EPHA6: variants seen among roughly 807,000 people sequenced by gnomAD.
The protein encoded by EPHA6 is ephrin type-A receptor 6.
In EPHA6, 50 loss-of-function variants were observed where a neutral mutation model predicts 112.0. That is an observed-to-expected ratio of 0.45 (90% CI 0.36 to 0.56). The LOEUF (loss-of-function observed/expected upper bound fraction) is 0.56. Among genes scored for constraint, EPHA6 ranks in the 20% least tolerant of loss-of-function variants. The pLI, the probability that EPHA6 is intolerant of heterozygous loss-of-function variation, is 0.00. For synonymous variants in EPHA6, 529 were observed against 490.7 expected (o/e 1.08, Z -1.03); for missense variants, 1,280 against 1,417.4 (o/e 0.90, Z 1.56).
At position 97,749,655 on chromosome 3, in the gene EPHA6, T is replaced by C. The variant is rs2035846656; in HGVS notation, c.*954T>C. 6.6e-6 allele frequency among the ~76,000 whole-genome samples: 1 copy of C among 152,154 alleles called. No individual in the cohort carries two copies. The highest frequency in any genetic ancestry group is 1.5e-5 in the Non-Finnish European group (1 of 68,014). ...TTGGTCATTCTCAGTAGAATTGCTT[T>C]GAATAAAATACGTTAGATTATACCC... On this transcript the variant is annotated 3_prime_UTR_variant, in exon 18 of 18. Coordinates refer to ENST00000389672, the MANE Select transcript of EPHA6 (RefSeq NM_001080448.3).
At chr3:97,300,381 A>G (rs2081044355) in intron 5 of EPHA6, among the ~76,000 whole-genome samples, 1 of 152,214 alleles carries the variant, frequency 6.6e-6, no homozygotes, top group Non-Finnish European at 1.5e-5. Flanking sequence ...AAAGGACAGT[A>G]TCTTTGTCAG....
At chr3:97,174,163 A>G (rs1415486762) in intron 3 of EPHA6, among the ~76,000 whole-genome samples, 1 of 151,132 alleles carries the variant, frequency 6.6e-6, no homozygotes, top group South Asian at 2.1e-4. Flanking sequence ...GTCTTTATGT[A>G]CCTGGCTTAT....
intron 14 of EPHA6, among the ~76,000 whole-genome samples, chr3:97,690,455 GT>G (rs1229761380): frequency 6.7e-6 from 1 of 149,464 alleles, no homozygotes; most frequent in Non-Finnish European, 1.5e-5. Context: ...TTGGAACAAT[GT>G]CTACTTTTCG....
Position 96,826,445 on chromosome 3 carries a change from G to C in EPHA6, c.385+11437G>C, listed in dbSNP as rs1158461343. Among the ~76,000 whole-genome samples, 8 of 152,032 alleles carry C rather than the reference G, an allele frequency of 5.3e-5. No homozygotes were observed. In the East Asian group the frequency reaches 1.6e-3, roughly 29 times the overall value. ...GCTTAAATGGTACCTGTAAAACTAA[G>C]GGAAAACCACCAGTTTCCTCTTTAG... On this transcript the variant is annotated intron_variant, in intron 1 of 17. Coordinates refer to ENST00000389672, the MANE Select transcript of EPHA6 (RefSeq NM_001080448.3).
chr3:97,114,181 C>T (rs971291397), intron 3 of EPHA6, among the ~76,000 whole-genome samples: 1 of 152,008 alleles, frequency 6.6e-6, no homozygotes, highest in Non-Finnish European at 1.5e-5. Context: ...TCCAATCATG[C>T]CGTTTTAAAT....
intron 3 of EPHA6, among the ~76,000 whole-genome samples, chr3:97,096,319 C>T (rs1009114258): frequency 6.6e-6 from 1 of 151,112 alleles, no homozygotes; most frequent in Non-Finnish European, 1.5e-5. Flanking sequence ...ATATCTATAT[C>T]TATATAGTTG....
chr3:97,341,069 C>T (rs1449926619), intron 5 of EPHA6, among the ~76,000 whole-genome samples: 1 of 152,166 alleles, frequency 6.6e-6, no homozygotes. Context: ...AATGGCAACA[C>T]CTGTTTCCTG....
intron 10 of EPHA6, among the ~76,000 whole-genome samples, chr3:97,496,814 C>A (rs6782802): frequency 0.052 from 7,403 of 141,284 alleles, 545 homozygotes; most frequent in African/African-American, 0.19. Flanking sequence ...TGCACACACA[C>A]AAAAAAAAAA....
intron 5 of EPHA6, among the ~76,000 whole-genome samples, chr3:97,294,909 C>A (rs183523294): frequency 6.6e-6 from 1 of 152,250 alleles, no homozygotes; most frequent in Non-Finnish European, 1.5e-5. Flanking sequence ...TTTTTCCATT[C>A]TCACATAGCC....
intron 15 of EPHA6, among the ~76,000 whole-genome samples, chr3:97,735,100 A>T (rs897819412): frequency 2.6e-5 from 4 of 152,050 alleles, no homozygotes; most frequent in Non-Finnish European, 4.4e-5. Flanking sequence ...GGCTATATAC[A>T]TTTAAATTTA....
intron 5 of EPHA6, among the ~76,000 whole-genome samples, chr3:97,267,539 G>C (rs1226722920): frequency 6.6e-6 from 1 of 151,956 alleles, no homozygotes; most frequent in Non-Finnish European, 1.5e-5. Flanking sequence ...TTGACTAAAG[G>C]AATGAATGCA....
intron 2 of EPHA6, among the ~76,000 whole-genome samples, chr3:96,897,020 A>AATATATAAATAAATATAT (rs2038309098): frequency 6.6e-6 from 1 of 152,118 alleles, no homozygotes; most frequent in South Asian, 2.1e-4. Context: ...AAATAGTATG[A>AATATATAAATAAATATAT]TCTTTAGAAA....
chr3:97,201,337 G>A (rs1576671434), intron 3 of EPHA6, among the ~76,000 whole-genome samples: 2 of 152,038 alleles, frequency 1.3e-5, no homozygotes, highest in Admixed American at 1.3e-4. Context: ...CTTTTGATTA[G>A]CATTGGTTTT....
At chr3:96,904,591 A>T (rs1192064747) in intron 2 of EPHA6, among the ~76,000 whole-genome samples, 1 of 151,904 alleles carries the variant, frequency 6.6e-6, no homozygotes, top group Non-Finnish European at 1.5e-5. Context: ...CATGTACCCT[A>T]AAACTTAAAG....
chr3:97,064,187 T>C (rs1452640219), intron 3 of EPHA6, among the ~76,000 whole-genome samples: 2 of 152,142 alleles, frequency 1.3e-5, no homozygotes, highest in Non-Finnish European at 2.9e-5. Flanking sequence ...TGTCATGGAG[T>C]TAGCTCAGTT....
chr3:97,328,819 T>C (rs1024211756), intron 5 of EPHA6, among the ~76,000 whole-genome samples: 1 of 152,090 alleles, frequency 6.6e-6, no homozygotes, highest in Admixed American at 6.6e-5. Context: ...TTCTTTTTAT[T>C]ATTATTATTA....
At position 97,751,069 on chromosome 3, in the gene EPHA6, T is replaced by C. The variant is rs1198247657; in HGVS notation, c.*2368T>C. Among the ~76,000 whole-genome samples, 1 of 152,134 alleles carries C rather than the reference T, an allele frequency of 6.6e-6. No individual in the cohort carries two copies. The highest frequency in any genetic ancestry group is 1.5e-5 in the Non-Finnish European group (1 of 68,014). On this transcript the variant is annotated 3_prime_UTR_variant, in exon 18 of 18. Transcript: ENST00000389672. ...GAACAGATATAAAACAGATTAAATT[T>C]ATTAATCATATATTTATTTTTATAA...
intron 3 of EPHA6, among the ~76,000 whole-genome samples, chr3:97,078,705 A>C (rs912729233): frequency 1.3e-5 from 2 of 152,116 alleles, no homozygotes; most frequent in African/African-American, 4.8e-5. Context: ...AGATGGTTGT[A>C]GATGTGTGGT....
At chr3:97,109,171 T>G (rs1278687247) in intron 3 of EPHA6, among the ~76,000 whole-genome samples, 1 of 152,214 alleles carries the variant, frequency 6.6e-6, no homozygotes, top group African/African-American at 2.4e-5. Context: ...ATGAGTGATT[T>G]TAAGCATTCA....
Sources: gnomAD v4.1 joint callset for allele counts (sites outside exome capture counted in the v4.1 genomes callset) on GRCh38, gnomAD v4.1.1 for gene constraint, MANE v1.5 for transcripts, NCBI Gene and HGNC (gene_info 2026-07-23, HGNC 2026-07-21) for gene names.